Variants in CPNE8 observed in about 807,000 individuals in gnomAD.
CPNE8 encodes copine-8.
CPNE8 carries 45 observed loss-of-function variants against 81.5 expected under a neutral mutation model. That is an observed-to-expected ratio of 0.55 (90% CI 0.44 to 0.71). CPNE8 has a LOEUF of 0.71. Among genes scored for constraint, CPNE8 ranks in the 30% least tolerant of loss-of-function variants. The probability of loss-of-function intolerance (pLI) is 0.00; values close to 1 mark genes in which losing one functional copy is unlikely to be tolerated. For synonymous variants in CPNE8, 252 were observed against 226.3 expected (o/e 1.11, Z -1.02); for missense variants, 594 against 672.1 (o/e 0.88, Z 1.28).
At chr12:38,716,940 C>T (rs1940408115) in intron 13 of CPNE8, among the ~76,000 whole-genome samples, 1 of 151,542 alleles carries the variant, frequency 6.6e-6, no homozygotes, top group Non-Finnish European at 1.5e-5. Flanking sequence ...AACCAATCAG[C>T]AAGAAAAAAA....
At chr12:38,816,008 A>C (rs1943017677) in intron 6 of CPNE8, among the ~76,000 whole-genome samples, 1 of 152,156 alleles carries the variant, frequency 6.6e-6, no homozygotes, top group Non-Finnish European at 1.5e-5. Flanking sequence ...TGCTCTGATA[A>C]CTTAGGTCTA....
chr12:38,832,473 C>T (rs1943303545), intron 5 of CPNE8, among the ~76,000 whole-genome samples: 1 of 152,146 alleles, frequency 6.6e-6, no homozygotes, highest in Non-Finnish European at 1.5e-5. Context: ...AGAAGGAAAA[C>T]AGTACTGTGG....
chr12:38,725,791 G>A (rs750394064), intron 11 of CPNE8, among the ~76,000 whole-genome samples: 11 of 151,816 alleles, frequency 7.2e-5, no homozygotes, highest in Non-Finnish European at 1.0e-4. Flanking sequence ...AAAATAAGCT[G>A]AGGCATGTTA....
chr12:38,876,028 A>C (rs1022962533), intron 1 of CPNE8, among the ~76,000 whole-genome samples: 2 of 152,186 alleles, frequency 1.3e-5, no homozygotes, highest in African/African-American at 4.8e-5. Flanking sequence ...TTTCTTTCAG[A>C]ATTCACAAAA....
intron 18 of CPNE8, 63 bp from the exon 19 acceptor site, chr12:38,670,865 CA>C: frequency 8.2e-7 from 1 of 1,213,552 alleles, no homozygotes; most frequent in African/African-American, 1.5e-5. Context: ...ACAATGTGGA[CA>C]ACAAGGAAAT....
At chr12:38,861,696 G>T (rs1943838411) in intron 3 of CPNE8, among the ~76,000 whole-genome samples, 1 of 152,016 alleles carries the variant, frequency 6.6e-6, no homozygotes, top group Non-Finnish European at 1.5e-5. Flanking sequence ...CACAAGGAAA[G>T]AAAATGTGAT....
At chr12:38,795,043 G>A (rs974522881) in intron 6 of CPNE8, among the ~76,000 whole-genome samples, 1 of 152,174 alleles carries the variant, frequency 6.6e-6, no homozygotes, top group African/African-American at 2.4e-5. Context: ...GAGACCCCAA[G>A]TTCTTCAGCT....
rs369162551 is a variant in CPNE8 at position 38,839,087 on chromosome 12, T to A, written c.330+829A>T. On this transcript the variant is annotated intron_variant, in intron 5 of 19. Coordinates refer to ENST00000331366, the MANE Select transcript of CPNE8 (RefSeq NM_153634.3). ...CTCTGACACAACTGCTAATTCTACA[T>A]CTGTGTACCCAGATTTCACTTGGCA... is the stretch of plus-strand genomic sequence containing the variant. Among the ~76,000 whole-genome samples the A allele has an allele frequency of 2.6e-5, 4 of 152,262 alleles. No individual in the cohort carries two copies. The South Asian group carries it at 8.3e-4, about 32-fold the overall frequency.
intron 19 of CPNE8, among the ~76,000 whole-genome samples, chr12:38,664,418 TTATA>T (rs1177528991): frequency 6.6e-6 from 1 of 152,096 alleles, no homozygotes; most frequent in Non-Finnish European, 1.5e-5. Flanking sequence ...ACTTACACAT[TTATA>T]TAGTCAATAT....
At chr12:38,782,177 C>T (rs1942067070) in intron 6 of CPNE8, among the ~76,000 whole-genome samples, 1 of 152,046 alleles carries the variant, frequency 6.6e-6, no homozygotes, top group Non-Finnish European at 1.5e-5. Context: ...ATTTTCTGTA[C>T]TATTGTAACT....
At chr12:38,895,876 A>G (rs1400728600) in intron 1 of CPNE8, among the ~76,000 whole-genome samples, 1 of 152,166 alleles carries the variant, frequency 6.6e-6, no homozygotes, top group Admixed American at 6.6e-5. Context: ...CTTAGGAATT[A>G]GACATATATG....
intron 6 of CPNE8, among the ~76,000 whole-genome samples, chr12:38,777,713 A>T (rs1941964623): frequency 6.6e-6 from 1 of 152,194 alleles, no homozygotes; most frequent in African/African-American, 2.4e-5. Context: ...CATGCTGTAC[A>T]CATTTGTAGC....
At position 38,840,469 on chromosome 12, in the gene CPNE8, T is replaced by C. The variant is rs146228053; in HGVS notation, c.291-514A>G. Among the ~76,000 whole-genome samples the C allele has an allele frequency of 1.6e-3, 244 of 152,286 alleles. 2 individuals carry two copies. Among genetic ancestry groups the C allele is most frequent in the African/African-American group, 5.6e-3 (231 of 41,578 alleles). ...CTACTGGGGGAACCTAGGTAAAGGATACCCAAGTCTCTCTGTATAATTCCT... is the reference window on the plus strand; with the variant it reads ...CTACTGGGGGAACCTAGGTAAAGGACACCCAAGTCTCTCTGTATAATTCCT... On this transcript the variant is annotated intron_variant, in intron 4 of 19. Transcript: ENST00000331366.
intron 13 of CPNE8, among the ~76,000 whole-genome samples, chr12:38,715,616 C>A (rs754911055): frequency 6.6e-6 from 1 of 151,660 alleles, no homozygotes; most frequent in Non-Finnish European, 1.5e-5. Flanking sequence ...AATCCCTCAA[C>A]AAAATAAGCA....
At chr12:38,744,862 G>A (rs1330797661) in intron 10 of CPNE8, among the ~76,000 whole-genome samples, 1 of 152,198 alleles carries the variant, frequency 6.6e-6, no homozygotes, top group African/African-American at 2.4e-5. Context: ...TCATAACAGT[G>A]ATTTTATTAT....
At chr12:38,785,546 G>A (rs1942164891) in intron 6 of CPNE8, among the ~76,000 whole-genome samples, 1 of 152,058 alleles carries the variant, frequency 6.6e-6, no homozygotes, top group East Asian at 1.9e-4. Flanking sequence ...TTTATAAAGG[G>A]GAGTTCCCCT....
chr12:38,688,685 G>A (rs189195017), intron 15 of CPNE8, among the ~76,000 whole-genome samples: 1 of 152,046 alleles, frequency 6.6e-6, no homozygotes, highest in African/African-American at 2.4e-5. Flanking sequence ...CAACCTAGAT[G>A]GAGTTGGAGA....
At chr12:38,755,568 A>C (rs1941437970) in intron 10 of CPNE8, among the ~76,000 whole-genome samples, 6 of 152,164 alleles carry the variant, frequency 3.9e-5, no homozygotes, top group Admixed American at 2.6e-4. Flanking sequence ...AGTGAGCTTT[A>C]AATATTCATC....
intron 1 of CPNE8, among the ~76,000 whole-genome samples, chr12:38,889,925 C>G (rs1385756701): frequency 6.6e-6 from 1 of 152,144 alleles, no homozygotes; most frequent in African/African-American, 2.4e-5. Context: ...GGAAAGCAAC[C>G]TAGAATTTTC....
Sources: allele counts gnomAD v4.1 joint callset (sites outside exome capture counted in the v4.1 genomes callset), GRCh38; gene constraint gnomAD v4.1.1; transcripts MANE v1.5; gene names NCBI Gene and HGNC (gene_info 2026-07-23, HGNC 2026-07-21).